MYH11: variants seen among roughly 807,000 people sequenced by gnomAD.
MYH11 encodes myosin-11.
In MYH11, 80 loss-of-function variants were observed where a neutral mutation model predicts 246.6. That is an observed-to-expected ratio of 0.32 (90% CI 0.27 to 0.39). MYH11 has a LOEUF of 0.39. Ranked by LOEUF, MYH11 falls within the 10% of genes least tolerant of loss-of-function variation. The pLI, the probability that MYH11 is intolerant of heterozygous loss-of-function variation, is 1.00. For missense variants in MYH11, 2,158 were observed against 2,546.8 expected (o/e 0.85, Z 3.29); for synonymous variants, 1,071 against 1,015.5 (o/e 1.05, Z -1.04).
At chr16:15,749,885 TC>T (rs770609405) in intron 16 of MYH11, 190 of 599,966 alleles carry the variant, frequency 3.2e-4, no homozygotes, top group Non-Finnish European at 5.2e-4. Context: ...AGTGAATACT[TC>T]CTGGGATAAT....
intron 40 of MYH11, 108 bp downstream of exon 40, chr16:15,714,801 G>C: frequency 7.5e-7 from 1 of 1,329,756 alleles, no homozygotes; most frequent in South Asian, 1.2e-5. Flanking sequence ...ACAGAAGGGA[G>C]TGGCGGCTGT....
At chr16:15,732,193 C>A (rs886369477) in intron 27 of MYH11, among the ~76,000 whole-genome samples, 1 of 151,864 alleles carries the variant, frequency 6.6e-6, no homozygotes, top group Non-Finnish European at 1.5e-5. Context: ...GAACTCCTGA[C>A]CTCAGGTGAT....
chr16:15,797,776 T>G (rs1411908164), intron 4 of MYH11, among the ~76,000 whole-genome samples: 2 of 151,992 alleles, frequency 1.3e-5, no homozygotes, highest in African/African-American at 4.8e-5. Flanking sequence ...CCAGCTCAGG[T>G]TGAACAGGGG....
At chr16:15,842,541 T>A (rs926776032) in intron 1 of MYH11, among the ~76,000 whole-genome samples, 15 of 151,210 alleles carry the variant, frequency 9.9e-5, no homozygotes, top group African/African-American at 3.4e-4. Context: ...GGTAGGAGGA[T>A]TGCTTGAGGT....
chr16:15,732,904 A>G (rs1477175885), intron 26 of MYH11, 196 bp from the exon 27 acceptor site: 1 of 648,104 alleles, frequency 1.5e-6, no homozygotes, highest in African/African-American at 1.8e-5. Context: ...TGTGGAGCAT[A>G]TCACCTGCCT....
At chr16:15,746,445 C>T (rs967475727) in intron 19 of MYH11, among the ~76,000 whole-genome samples, 21 of 152,090 alleles carry the variant, frequency 1.4e-4, no homozygotes, top group Admixed American at 2.0e-4. Flanking sequence ...AACTTAGTAA[C>T]GAAACTTGAC....
intron 4 of MYH11, among the ~76,000 whole-genome samples, chr16:15,788,961 A>G (rs1403772026): frequency 6.6e-6 from 1 of 152,108 alleles, no homozygotes; most frequent in Non-Finnish European, 1.5e-5. Context: ...CCTGGGCAAC[A>G]TAGCAAGATC....
At chr16:15,803,884 G>A (rs138818134) in intron 3 of MYH11, among the ~76,000 whole-genome samples, 174 of 152,280 alleles carry the variant, frequency 1.1e-3, no homozygotes, top group Non-Finnish European at 2.0e-3. Context: ...CTGGCCTGAC[G>A]TTCCCATCAA....
chr16:15,810,126 C>T (rs2043105082), intron 3 of MYH11, among the ~76,000 whole-genome samples: 2 of 151,956 alleles, frequency 1.3e-5, no homozygotes, highest in Admixed American at 6.6e-5. Context: ...CTCTACCTCC[C>T]AGGTTCAAGC....
chr16:15,807,536 G>A (rs1344919296), intron 3 of MYH11, among the ~76,000 whole-genome samples: 2 of 151,988 alleles, frequency 1.3e-5, no homozygotes, highest in Admixed American at 6.6e-5. Flanking sequence ...GGGAGAGGTC[G>A]AGGCAGAGCA....
chr16:15,735,401 G>A lies in MYH11; in HGVS notation c.3471C>T (p.Asp1157=). Residue 1157 remains aspartate, a synonymous_variant, in exon 26 of 41, where the codon GAC becomes GAT. Coordinates refer to ENST00000300036, the MANE Select transcript of MYH11 (RefSeq NM_002474.3). Reference sequence around the variant, plus strand: ...GCTGAGTGGCTGTGCTGTCCAGTGTGTCTTCCAGCTCTGTCTTTAGGGCCT... The same window carrying A: ...GCTGAGTGGCTGTGCTGTCCAGTGTATCTTCCAGCTCTGTCTTTAGGGCCT... ...ELEALKTELE[D]TLDSTATQQE... The A allele has an allele frequency of 1.2e-6, 2 of 1,614,030 alleles. No homozygotes were observed. The highest frequency in any genetic ancestry group is 1.7e-6 in the Non-Finnish European group (2 of 1,180,034).
chr16:15,712,080 C>T (rs535836575), intron 40 of MYH11, among the ~76,000 whole-genome samples: 1 of 152,112 alleles, frequency 6.6e-6, no homozygotes, highest in South Asian at 2.1e-4. Context: ...AGAAGGACCA[C>T]GAGGTTTGTG....
At chr16:15,751,653 G>A (rs56759069) in intron 15 of MYH11, among the ~76,000 whole-genome samples, 8,112 of 130,738 alleles carry the variant, frequency 0.062, 808 homozygotes, top group African/African-American at 0.22. Context: ...TCACTCTGTC[G>A]CCCAGCTGGA....
Position 15,712,373 on chromosome 16 carries a change from C to G in MYH11, c.5786+2536G>C, listed in dbSNP as rs139739458. Among the ~76,000 whole-genome samples, 106 of 152,116 alleles carry G rather than the reference C, an allele frequency of 7.0e-4. No homozygotes were observed. In the East Asian group the frequency reaches 0.018, roughly 26 times the overall value. ...GGGGAGAGATGAAAACAACTAAGGC[C>G]GTGCAGTGGTCCATGCCTGTAATCC... On this transcript the variant is annotated intron_variant, in intron 40 of 40. Coordinates refer to ENST00000300036, the MANE Select transcript of MYH11 (RefSeq NM_002474.3).
intron 12 of MYH11, among the ~76,000 whole-genome samples, chr16:15,758,731 C>A (rs1266064893): frequency 2.0e-5 from 3 of 150,600 alleles, no homozygotes; most frequent in African/African-American, 7.3e-5. Context: ...ACCTGGGAGG[C>A]GGAGGTTGCG....
At chr16:15,835,746 ATTTTTTTT>A (rs386384349) in intron 2 of MYH11, among the ~76,000 whole-genome samples, 61 of 132,088 alleles carry the variant, frequency 4.6e-4, no homozygotes, top group East Asian at 3.9e-3. Flanking sequence ...AGCTGGTACT[ATTTTTTTT>A]TTTTTTTTTT....
chr16:15,721,153 T>C, intron 32 of MYH11, 102 bp from the exon 33 acceptor site: 1 of 1,310,648 alleles, frequency 7.6e-7, no homozygotes, highest in Admixed American at 1.9e-5. Flanking sequence ...GGAGGTGGCT[T>C]TGGCCTCCCA....
Position 15,846,678 on chromosome 16 carries a change from T to C in MYH11, c.-17-8409A>G, listed in dbSNP as rs146339283. 1.1e-3 allele frequency among the ~76,000 whole-genome samples: 163 copies of C among 152,110 alleles called. 1 individual carries two copies. In the East Asian group the frequency reaches 0.028, roughly 26 times the overall value. Reference sequence around the variant, plus strand: ...AGCCTGGCCAACACAGCAAGACCCATCTCTAAGAAAAAATGTTTTTTAATT... The same window carrying C: ...AGCCTGGCCAACACAGCAAGACCCACCTCTAAGAAAAAATGTTTTTTAATT... On this transcript the variant is annotated intron_variant, in intron 1 of 40. Transcript: ENST00000300036.
In MYH11 at chr16:15,737,544, G is replaced by C. The variant is rs757270167; in HGVS notation, c.3198C>G (p.Asp1066Glu). 1.4e-5 allele frequency: 23 copies of C among 1,613,914 alleles called. No individual in the cohort carries two copies. In the African/African-American group the frequency reaches 3.1e-4, roughly 22 times the overall value. Residue 1066 changes from aspartate to glutamate, a missense_variant, in exon 25 of 41, where the codon GAC becomes GAG. Physicochemically the swap from Asp to Glu is conservative, Grantham distance 45. This residue lies in a region of MYH11 where 284 missense variants were observed against 315.4 expected (regional missense o/e 0.90). Coordinates refer to ENST00000300036, the MANE Select transcript of MYH11 (RefSeq NM_002474.3). ...LKRKLEGDAS[D>E]FHEQIADLQA... ...GGAGGTCAGCGATCTGCTCGTGGAA[G>C]TCGCTGGCATCACCCTCCAGCTTCC...
Sources: gnomAD v4.1 joint callset for allele counts (sites outside exome capture counted in the v4.1 genomes callset) on GRCh38, gnomAD v4.1.1 for gene constraint, gnomAD v4.1.1 regional missense constraint, MANE v1.5 for transcripts, NCBI Gene and HGNC (gene_info 2026-07-23, HGNC 2026-07-21) for gene names.